The following CYP3A7 variants were observed in gnomAD, a reference collection of about 807,000 sequenced individuals.
CYP3A7 encodes the protein cytochrome P450 3A7.
Under a neutral mutation model 55.2 loss-of-function variants are expected in CYP3A7, and 45 were observed. That is an observed-to-expected ratio of 0.82 (90% CI 0.64 to 1.05). CYP3A7 has a LOEUF of 1.05. Among genes scored for constraint, CYP3A7 ranks in the 50% least tolerant of loss-of-function variants. The pLI is 0.00. For synonymous variants in CYP3A7, 180 were observed against 207.4 expected, an observed-to-expected ratio of 0.87 and a Z score of 1.13; for missense variants, 548 against 605.3, an observed-to-expected ratio of 0.91 and a Z score of 0.99.
At position 99,709,298 on chromosome 7, in the gene CYP3A7, T is replaced by C. The variant is rs745741177; in HGVS notation, c.1027-37A>G. 6.9e-6 allele frequency: 11 copies of C among 1,602,980 alleles called. No individual in the cohort carries two copies. The Admixed American group carries it at 1.9e-4, about 27-fold the overall frequency. On this transcript the variant is annotated intron_variant, in intron 10 of 12. Transcript: ENST00000336374. ...GAAACAGATTTGGATAAATTGAGAT[T>C]TTTGAATTAACTTTTAACTCAGTCC... is the stretch of plus-strand genomic sequence containing the variant.
At chr7:99,715,316 C>A (rs1813897747) in intron 7 of CYP3A7, 2 of 184,404 alleles carry the variant, frequency 1.1e-5, no homozygotes, top group Non-Finnish European at 2.3e-5. Context: ...AGGAAAAAAA[C>A]CCACAAATCA....
intron 6 of CYP3A7, 119 bp from the exon 7 acceptor site, chr7:99,716,025 A>T: frequency 6.3e-7 from 1 of 1,586,622 alleles, no homozygotes; most frequent in Non-Finnish European, 8.6e-7. Context: ...AGACTTTCAG[A>T]ACTATTTACT....
intron 1 of CYP3A7, among the ~76,000 whole-genome samples, chr7:99,733,691 G>T (rs1390696696): frequency 6.6e-6 from 1 of 152,094 alleles, no homozygotes. Context: ...ACCTCCACTA[G>T]GGGGCCAGGA....
chr7:99,711,779 CAAAA>C (rs1385655363), intron 9 of CYP3A7, among the ~76,000 whole-genome samples: 1 of 64,170 alleles, frequency 1.6e-5, no homozygotes, highest in African/African-American at 2.8e-5. Context: ...CAAAACAAAA[CAAAA>C]CAACAACAAC....
At chr7:99,722,045 A>G (rs148504666) in intron 3 of CYP3A7, among the ~76,000 whole-genome samples, 154 of 152,244 alleles carry the variant, frequency 1.0e-3, no homozygotes, top group African/African-American at 3.6e-3. Flanking sequence ...TCCTCCTCAT[A>G]TTTTCTGTGG....
At chr7:99,719,744 A>G (rs1345354786) in intron 4 of CYP3A7, among the ~76,000 whole-genome samples, 1 of 152,192 alleles carries the variant, frequency 6.6e-6, no homozygotes, top group African/African-American at 2.4e-5. Context: ...CATGCTGGTC[A>G]TTGCACAAAT....
Position 99,705,454 on chromosome 7 carries a change from T to A in CYP3A7, c.*46A>T. ...AAGTAATTTGAGGTCTCTGGTGTTCTGGGGCACAGCTTTCTTAAAGAGCAA... is the reference window on the plus strand; with the variant it reads ...AAGTAATTTGAGGTCTCTGGTGTTCAGGGGCACAGCTTTCTTAAAGAGCAA... On this transcript the variant is annotated 3_prime_UTR_variant, in exon 13 of 13. Coordinates refer to ENST00000336374, the MANE Select transcript of CYP3A7 (RefSeq NM_000765.5). 1 of 1,600,172 alleles carries A rather than the reference T, an allele frequency of 6.2e-7. No individual in the cohort carries two copies.
At chr7:99,724,351 G>A (rs1814325969) in intron 2 of CYP3A7, among the ~76,000 whole-genome samples, 1 of 152,120 alleles carries the variant, frequency 6.6e-6, no homozygotes, top group African/African-American at 2.4e-5. Flanking sequence ...TATAAGACCT[G>A]GATGATTTTT....
Position 99,709,226 on chromosome 7 carries a change from C to T in CYP3A7, c.1062G>A (p.Glu354=). The T allele has an allele frequency of 2.5e-6, 4 of 1,613,924 alleles. No individual in the cohort carries two copies. Among genetic ancestry groups the T allele is most frequent in the Non-Finnish European group, 2.5e-6 (3 of 1,179,914 alleles). The change falls in exon 11 of 13, where the codon GAG becomes GAA. Residue 354 remains glutamate, a synonymous_variant. Coordinates refer to ENST00000336374, the MANE Select transcript of CYP3A7 (RefSeq NM_000765.5). ...TTTCATTCACCACCATGTCAAGATA[C>T]TCCAACTGTAGCACAGTATCATAGG... The part of the protein sequence containing the change: ...PPTYDTVLQL[E]YLDMVVNETL...
Position 99,720,349 on chromosome 7 carries a change from T to G in CYP3A7, c.282A>C (p.Leu94=). 6.2e-7 allele frequency: 1 copy of G among 1,613,694 alleles called. No homozygotes were observed. The highest frequency in any genetic ancestry group is 1.1e-5 in the South Asian group (1 of 91,068). ...ITDPDMIKTV[L]VKECYSVFTN... Reference sequence around the variant, plus strand: ...TGAAGACAGAATAACATTCTTTCACTAGCACTGTTTTGATCATGTCGGGAT... The same window carrying G: ...TGAAGACAGAATAACATTCTTTCACGAGCACTGTTTTGATCATGTCGGGAT... The change falls in exon 4 of 13, where the codon CTA becomes CTC. Residue 94 remains leucine (L), a synonymous_variant. Transcript: ENST00000336374.
chr7:99,732,590 C>T (rs1176713219), intron 1 of CYP3A7, among the ~76,000 whole-genome samples: 1 of 152,118 alleles, frequency 6.6e-6, no homozygotes, highest in Admixed American at 6.5e-5. Flanking sequence ...ACTTCCCCAA[C>T]TGGGGATTCT....
intron 2 of CYP3A7, among the ~76,000 whole-genome samples, chr7:99,728,019 T>C (rs1814480544): frequency 6.6e-6 from 1 of 152,246 alleles, no homozygotes; most frequent in Non-Finnish European, 1.5e-5. Context: ...ATTATGCTGA[T>C]AAGACAGCTA....
rs1007830759 is a variant in CYP3A7 at position 99,715,840 on chromosome 7, G to C, written c.588C>G (p.Leu196=). The change falls in exon 7 of 13, where the codon CTC becomes CTG. Residue 196 remains leucine, a synonymous_variant. Coordinates refer to ENST00000336374, the MANE Select transcript of CYP3A7 (RefSeq NM_000765.5). ...CCACAAAGGGGTCTTGTGGATTGTT[G>C]AGAGAGTCGATGCTCACTCCAAATG... ...STSFGVSIDS[L]NNPQDPFVEN... 4.3e-6 allele frequency: 7 copies of C among 1,613,926 alleles called. No homozygotes were observed. Among genetic ancestry groups the C allele is most frequent in the Non-Finnish European group, 4.2e-6 (5 of 1,179,856 alleles).
intron 9 of CYP3A7, among the ~76,000 whole-genome samples, chr7:99,712,963 C>T (rs1452008702): frequency 6.6e-6 from 1 of 152,132 alleles, no homozygotes; most frequent in East Asian, 1.9e-4. Flanking sequence ...GAAAAAATAA[C>T]TTCATAGTTG....
At chr7:99,734,806 G>C (rs1158283568) in intron 1 of CYP3A7, among the ~76,000 whole-genome samples, 1 of 151,992 alleles carries the variant, frequency 6.6e-6, no homozygotes, top group African/African-American at 2.4e-5. Flanking sequence ...AATTTTAGTA[G>C]AGATGGGGTT....
At chr7:99,720,256 T>C in intron 4 of CYP3A7, 57 bp downstream of exon 4, 3 of 1,596,004 alleles carry the variant, frequency 1.9e-6, no homozygotes, top group East Asian at 4.6e-5. Context: ...ATAAGAATTT[T>C]AAAATAAAAA....
intron 12 of CYP3A7, among the ~76,000 whole-genome samples, chr7:99,706,690 A>T (rs1813534884): frequency 6.6e-6 from 1 of 152,264 alleles, no homozygotes; most frequent in Non-Finnish European, 1.5e-5. Context: ...TTCCCTGCAG[A>T]CAGACATGCA....
At position 99,735,023 on chromosome 7, in the gene CYP3A7, A is replaced by C; in HGVS notation, c.71T>G (p.Leu24Arg). The change falls in exon 1 of 13, where the codon CTA (leucine) becomes CGA (arginine). Residue 24 changes from leucine to arginine, a missense_variant and splice_region_variant. Leu to Arg is a moderately radical substitution (Grantham distance 102). Transcript: ENST00000336374. ...AAGAGGAGCCTGAACAGTTACTCAC[A>C]GATAGAGGAGTATCAGGCTGACAGC... ...LLAVSLILLY[L>R]YGTRTHGLFK... The C allele has an allele frequency of 6.2e-7, 1 of 1,614,106 alleles. No individual in the cohort carries two copies. Among genetic ancestry groups the C allele is most frequent in the Non-Finnish European group, 8.5e-7 (1 of 1,179,962 alleles).
intron 9 of CYP3A7, among the ~76,000 whole-genome samples, chr7:99,713,023 C>T (rs769605216): frequency 2.0e-4 from 31 of 152,174 alleles, no homozygotes; most frequent in Non-Finnish European, 3.8e-4. Flanking sequence ...TAAAATCGCC[C>T]TTATTTGGAT....
Sources: allele counts gnomAD v4.1 joint callset (sites outside exome capture counted in the v4.1 genomes callset), GRCh38; gene constraint gnomAD v4.1.1; transcripts MANE v1.5; gene names NCBI Gene and HGNC (gene_info 2026-07-23, HGNC 2026-07-21).